The following FBLN7 variants were observed in gnomAD, a reference collection of about 807,000 sequenced individuals.
FBLN7 encodes fibulin 7, also known as fibulin-7.
A neutral mutation model predicts 44.0 loss-of-function variants in FBLN7; 31 were observed. That is an observed-to-expected ratio of 0.70 (90% CI 0.53 to 0.95). The LOEUF (loss-of-function observed/expected upper bound fraction) is 0.95. FBLN7 is among the 40% of genes least tolerant of loss of function. FBLN7 has a pLI of 0.00. For missense variants in FBLN7, 573 were observed against 618.5 expected (o/e 0.93, Z 0.78); for synonymous variants, 262 against 253.4 (o/e 1.03, Z -0.32).
At chr2:112,238,205 CAT>C in the FBLN7 span, 18 of 1,127,854 alleles carry the variant, frequency 1.6e-5, no homozygotes, top group Admixed American at 2.5e-5. Flanking sequence ...TCATGAAAAC[CAT>C]AGTCTTATCA....
intron 4 of FBLN7, among the ~76,000 whole-genome samples, chr2:112,179,253 C>T (rs376615717): frequency 1.3e-5 from 2 of 151,792 alleles, no homozygotes; most frequent in East Asian, 1.9e-4. Context: ...CACACACACA[C>T]AAATAAAATA....
At chr2:112,243,123 T>C in the FBLN7 span, among the ~76,000 whole-genome samples, 1 of 152,218 alleles carries the variant, frequency 6.6e-6, no homozygotes, top group Non-Finnish European at 1.5e-5. Context: ...CTGACACTGC[T>C]TGGTATCACT....
the FBLN7 span, among the ~76,000 whole-genome samples, chr2:112,196,788 A>T: frequency 6.6e-6 from 1 of 152,152 alleles, no homozygotes; most frequent in Admixed American, 6.5e-5. Flanking sequence ...GCTGATAAAG[A>T]CATACCCAAG....
chr2:112,234,107 C>T, the FBLN7 span: 1 of 1,441,846 alleles, frequency 6.9e-7, no homozygotes. Flanking sequence ...TTTTTGCTTA[C>T]ACATTTTTAT....
intron 1 of FBLN7, among the ~76,000 whole-genome samples, chr2:112,146,147 C>A (rs1191208669): frequency 1.3e-5 from 2 of 152,146 alleles, no homozygotes; most frequent in Non-Finnish European, 2.9e-5. Context: ...ATGGTGAAAC[C>A]CCGTCTGTAC....
the FBLN7 span, among the ~76,000 whole-genome samples, chr2:112,242,182 TA>T: frequency 3.9e-5 from 6 of 152,344 alleles, no homozygotes; most frequent in East Asian, 1.2e-3. Context: ...GTCAGTGAAC[TA>T]CAACCCAAGG....
chr2:112,236,959 G>A, the FBLN7 span, among the ~76,000 whole-genome samples: 258 of 152,330 alleles, frequency 1.7e-3, 1 homozygote, highest in African/African-American at 6.1e-3. Flanking sequence ...GGGACTATAG[G>A]CTAAGGCAGG....
At chr2:112,212,988 T>TTTTTTTTTTTTTTC in the FBLN7 span, 10 of 115,642 alleles carry the variant, frequency 8.6e-5, no homozygotes, top group South Asian at 2.1e-3. Flanking sequence ...TTTTTTTTTT[T>TTTTTTTTTTTTTTC]ATAAGAGACA....
At chr2:112,179,118 T>G (rs1682864116) in intron 4 of FBLN7, among the ~76,000 whole-genome samples, 1 of 152,202 alleles carries the variant, frequency 6.6e-6, no homozygotes, top group South Asian at 2.1e-4. Context: ...TTCCTTCAAC[T>G]GATAAACAAC....
chr2:112,139,151 CGCCAGTGTCCCTCCCGCCTCTCTCCAG>C (rs1680510580), intron 1 of FBLN7, among the ~76,000 whole-genome samples: 2 of 62,044 alleles, frequency 3.2e-5, no homozygotes, highest in South Asian at 7.3e-4. Flanking sequence ...CCTCTCTCCA[CGCCAGTGTCCCTCCCGCCTCTCTCCAG>C]GCCAGTGTCC....
chr2:112,188,907 A>G (rs1280751621), downstream of FBLN7: 2 of 152,234 alleles, frequency 1.3e-5, no homozygotes, highest in Admixed American at 6.5e-5. Flanking sequence ...TCATTAAAAC[A>G]TTATCCACAG....
intron 1 of FBLN7, 132 bp downstream of exon 1, chr2:112,138,862 GTCCCTCCCGCCTCTCT>G: frequency 2.5e-6 from 1 of 394,962 alleles, no homozygotes; most frequent in African/African-American, 1.3e-4. Context: ...TCTCTCCCCT[GTCCCTCCCGCCTCTCT>G]CCAGGTCAGT....
chr2:112,167,513 A>G (rs1046287419), intron 3 of FBLN7, among the ~76,000 whole-genome samples: 1 of 152,162 alleles, frequency 6.6e-6, no homozygotes, highest in Non-Finnish European at 1.5e-5. Context: ...TCAATGGAAA[A>G]GAGGGTCCTG....
At chr2:112,213,650 C>A in the FBLN7 span, 5 of 150,918 alleles carry the variant, frequency 3.3e-5, no homozygotes, top group African/African-American at 1.2e-4. Flanking sequence ...GTGGCATGCA[C>A]CTGTAGTCCC....
downstream of FBLN7, chr2:112,189,882 A>G (rs1193081182): frequency 1.3e-5 from 2 of 152,236 alleles, no homozygotes; most frequent in Admixed American, 6.5e-5. Context: ...TAAAACATTA[A>G]TTCCTTAATA....
At position 112,172,697 on chromosome 2, in the gene FBLN7, G is replaced by A. The variant is rs186485996; in HGVS notation, c.407-3017G>A. 4.1e-3 allele frequency among the ~76,000 whole-genome samples: 584 copies of A among 143,672 alleles called. 6 individuals carry two copies. The highest frequency in any genetic ancestry group is 0.014 in the African/African-American group (553 of 38,466). 94.3% of individuals were successfully genotyped at this position (143,672 alleles called of 152,430 possible). ...TGCCCAGACTGGAGAGTAGTGGCGC[G>A]ATCTTGGCTCATGCAACCTCTGCCT... On this transcript the variant is annotated intron_variant, in intron 3 of 7. Coordinates refer to ENST00000331203, the MANE Select transcript of FBLN7 (RefSeq NM_153214.3).
chr2:112,157,613 CTT>C (rs1201775495), intron 1 of FBLN7, among the ~76,000 whole-genome samples: 1 of 152,090 alleles, frequency 6.6e-6, no homozygotes, highest in Non-Finnish European at 1.5e-5. Flanking sequence ...TGTCCTGGCT[CTT>C]TTTCTTAATT....
chr2:112,187,011 A>AC lies in FBLN7; in HGVS notation c.948-120dup. On this transcript the variant is annotated intron_variant, in intron 7 of 7. Coordinates refer to ENST00000331203, the MANE Select transcript of FBLN7 (RefSeq NM_153214.3). This position sits in a 1 kb window ranked among gnomAD's most constrained non-coding sequence, Gnocchi z 5.1. Reference sequence around the variant, plus strand: ...CAGCTCCATAGCTCCTGGGTGAAGGACCCGTGGCTGGGAAAGGTCATCTAG... The same window carrying AC: ...CAGCTCCATAGCTCCTGGGTGAAGGACCCCGTGGCTGGGAAAGGTCATCTAG... The AC allele has an allele frequency of 8.4e-7, 1 of 1,185,574 alleles. No homozygotes were observed. The highest frequency in any genetic ancestry group is 2.5e-5 in the East Asian group (1 of 40,538). The allele number at this position is 1,185,574 out of a possible 1,614,324, so 73.4% of individuals were successfully genotyped here. A position where few individuals can be genotyped will look rare whatever the true frequency, so the allele number is the denominator to read the frequency against.
At chr2:112,140,730 G>C (rs1229578127) in intron 1 of FBLN7, among the ~76,000 whole-genome samples, 1 of 152,156 alleles carries the variant, frequency 6.6e-6, no homozygotes, top group Non-Finnish European at 1.5e-5. Flanking sequence ...TCCAACCGAA[G>C]TATCAGAACA....
Sources: allele counts gnomAD v4.1 joint callset (sites outside exome capture counted in the v4.1 genomes callset), GRCh38; gene constraint gnomAD v4.1.1; non-coding constraint Gnocchi (gnomAD v3.1); transcripts MANE v1.5; gene names NCBI Gene and HGNC (gene_info 2026-07-23, HGNC 2026-07-21).